VPS33A: variants seen among roughly 807,000 people sequenced by gnomAD.
VPS33A encodes VPS33A core subunit of CORVET and HOPS complexes.
In VPS33A, 32 loss-of-function variants were observed where a neutral mutation model predicts 71.8. The ratio of observed to expected loss-of-function variants is 0.45; its 90% CI spans 0.34 to 0.60. The LOEUF is 0.60. Among genes scored for constraint, VPS33A ranks in the 20% least tolerant of loss-of-function variants. The pLI is 0.02. For missense variants in VPS33A, 625 were observed against 748.5 expected, an observed-to-expected ratio of 0.84 and a Z score of 1.92; for synonymous variants, 311 against 292.7, an observed-to-expected ratio of 1.06 and a Z score of -0.64.
intron 2 of VPS33A, 74 bp from the exon 3 acceptor site, chr12:122,263,773 A>C: frequency 6.8e-7 from 1 of 1,466,810 alleles, no homozygotes; most frequent in Non-Finnish European, 9.2e-7. Context: ...CAGAAATCAT[A>C]AATACCCCCA....
intron 10 of VPS33A, among the ~76,000 whole-genome samples, 188 bp from the exon 11 acceptor site, chr12:122,236,111 T>G (rs2136123372): frequency 6.6e-6 from 1 of 152,312 alleles, no homozygotes; most frequent in East Asian, 1.9e-4. Flanking sequence ...ACTGCTTGCC[T>G]GTTACTATTA....
chr12:122,255,706 T>TAAAAAA (rs1954907775), intron 4 of VPS33A, among the ~76,000 whole-genome samples: 1 of 22,930 alleles, frequency 4.4e-5, no homozygotes, highest in African/African-American at 1.7e-4. Context: ...AGACTCCGTC[T>TAAAAAA]CAAAAAAAAA....
rs1411567013 is a variant in VPS33A, at chr12:122,231,272, A to G, written c.*974T>C. ...CATTCTTCCATGTCAAAAGCCCCTG[A>G]TAAGTATGGAACCTAAGGAGATGTA... On this transcript the variant is annotated 3_prime_UTR_variant, in exon 13 of 13. Coordinates refer to ENST00000267199, the MANE Select transcript of VPS33A (RefSeq NM_022916.6). The G allele has an allele frequency of 6.6e-6, 1 of 152,248 alleles. No homozygotes were observed. The highest frequency in any genetic ancestry group is 2.4e-5 in the African/African-American group (1 of 41,458). 9.4% of individuals were successfully genotyped at this position (152,248 alleles called of 1,614,324 possible). A position where few individuals can be genotyped will look rare whatever the true frequency, so the allele number is the denominator to read the frequency against.
chr12:122,257,183 T>A (rs1954930036), intron 4 of VPS33A, among the ~76,000 whole-genome samples: 2 of 151,950 alleles, frequency 1.3e-5, no homozygotes, highest in Admixed American at 6.6e-5. Context: ...TTCCAGCACT[T>A]TCAGAGGCCG....
At chr12:122,253,838 T>C (rs1440329752) in intron 4 of VPS33A, among the ~76,000 whole-genome samples, 3 of 151,652 alleles carry the variant, frequency 2.0e-5, no homozygotes, top group Non-Finnish European at 4.4e-5. Context: ...GCTGGGATCA[T>C]AGGTGCCCAC....
rs200715881 is a variant in VPS33A, at chr12:122,232,883, C to T, written c.1526G>A (p.Arg509Gln). The T allele has an allele frequency of 3.1e-6, 5 of 1,613,956 alleles. No homozygotes were observed. The highest frequency in any genetic ancestry group is 3.4e-6 in the Non-Finnish European group (4 of 1,179,984). The part of the protein sequence containing the change: ...LAQLLSRPGW[R>Q]SIEEVLRILP... Reference sequence around the variant, plus strand: ...GATGCGGAGGACCTCCTCGATGCTCCGCCAGCCAGGCCGGGAAAGCAGCTG... The same window carrying T: ...GATGCGGAGGACCTCCTCGATGCTCTGCCAGCCAGGCCGGGAAAGCAGCTG... Residue 509 changes from arginine to glutamine, a missense_variant, in exon 12 of 13, where the codon CGG becomes CAG. Transcript: ENST00000267199.
intron 4 of VPS33A, among the ~76,000 whole-genome samples, chr12:122,258,917 G>A (rs912278579): frequency 1.3e-5 from 2 of 149,694 alleles, no homozygotes; most frequent in African/African-American, 4.9e-5. Flanking sequence ...GGAGGCCGAG[G>A]TTGCAGTGTG....
At chr12:122,239,452 G>GT (rs1179020620) in intron 9 of VPS33A, among the ~76,000 whole-genome samples, 1 of 152,026 alleles carries the variant, frequency 6.6e-6, no homozygotes, top group Admixed American at 6.6e-5. Context: ...AAATATTTAA[G>GT]TGGCCGGGCG....
rs1954568498 is a variant in VPS33A, at chr12:122,232,032, G to A, written c.*214C>T. ...AGACCGTGCCACTGCACTCTAGTCT[G>A]GGTGACAGAGCAAGACTCCGTCTCA... On this transcript the variant is annotated 3_prime_UTR_variant, in exon 13 of 13. Coordinates refer to ENST00000267199, the MANE Select transcript of VPS33A (RefSeq NM_022916.6). 13 of 495,706 alleles carry A rather than the reference G, an allele frequency of 2.6e-5. No individual in the cohort carries two copies. In the East Asian group the frequency reaches 4.3e-4, roughly 16 times the overall value. The allele number at this position is 495,706 out of a possible 1,614,324, so 30.7% of individuals were successfully genotyped here. A position where few individuals can be genotyped will look rare whatever the true frequency, so the allele number is the denominator to read the frequency against.
intron 7 of VPS33A, 88 bp downstream of exon 7, chr12:122,244,481 T>C (rs1954751744): frequency 1.7e-6 from 2 of 1,184,816 alleles, no homozygotes; most frequent in Non-Finnish European, 2.3e-6. Flanking sequence ...GTTTAATGGC[T>C]ACATATTTTT....
chr12:122,262,335 A>G (rs1955006169), intron 3 of VPS33A, among the ~76,000 whole-genome samples: 1 of 152,204 alleles, frequency 6.6e-6, no homozygotes, highest in African/African-American at 2.4e-5. Flanking sequence ...GGGGCATTGA[A>G]GCTCTCAGGT....
At chr12:122,262,185 T>C (rs953146897) in intron 3 of VPS33A, among the ~76,000 whole-genome samples, 1 of 152,036 alleles carries the variant, frequency 6.6e-6, no homozygotes, top group African/African-American at 2.4e-5. Context: ...AGTGAGACTG[T>C]GTCTCAAAAA....
chr12:122,260,712 G>A (rs981366470), intron 4 of VPS33A, among the ~76,000 whole-genome samples: 21 of 152,310 alleles, frequency 1.4e-4, no homozygotes, highest in African/African-American at 4.8e-4. Context: ...TAAGCCAGGC[G>A]CGGTGGCTCA....
intron 4 of VPS33A, 25 bp from the exon 5 acceptor site, chr12:122,251,124 G>T: frequency 6.4e-7 from 1 of 1,567,778 alleles, no homozygotes. Context: ...GCCAATTATT[G>T]CCAGGCCATG....
chr12:122,233,462 G>A (rs1354083126), intron 11 of VPS33A, among the ~76,000 whole-genome samples: 2 of 152,146 alleles, frequency 1.3e-5, no homozygotes, highest in African/African-American at 4.8e-5. Flanking sequence ...CTGACCTCAG[G>A]TGATCCACCT....
Position 122,239,749 on chromosome 12 carries a change from C to CAAAAAAAAAAAAAA in VPS33A, c.1164+115_1164+128dup, listed in dbSNP as rs5801475. On this transcript the variant is annotated intron_variant, in intron 9 of 12. Coordinates refer to ENST00000267199, the MANE Select transcript of VPS33A (RefSeq NM_022916.6). The stretch of plus-strand genomic sequence containing the variant: ...GGTGACACACAGTGAGACTCCGTCT[C>CAAAAAAAAAAAAAA]AAAAAAAAAAAAAAAAAAAAAAAAA... The CAAAAAAAAAAAAAA allele has an allele frequency of 1.7e-3, 342 of 197,822 alleles. 63 individuals are homozygous for CAAAAAAAAAAAAAA. Among genetic ancestry groups the CAAAAAAAAAAAAAA allele is most frequent in the East Asian group, 7.6e-3 (21 of 2,778 alleles). The allele number at this position is 197,822 out of a possible 1,614,324, so 12.3% of individuals were successfully genotyped here.
intron 8 of VPS33A, among the ~76,000 whole-genome samples, chr12:122,240,581 A>G (rs559448332): frequency 9.9e-5 from 15 of 152,280 alleles, no homozygotes; most frequent in Non-Finnish European, 2.2e-4. Flanking sequence ...ACCCAATTTC[A>G]ACTGGTTTCC....
rs757721280 is a variant in VPS33A at position 122,242,520 on chromosome 12, A to C, written c.970-12T>G. The C allele has an allele frequency of 6.2e-7, 1 of 1,601,392 alleles. No individual in the cohort carries two copies. The highest frequency in any genetic ancestry group is 8.5e-7 in the Non-Finnish European group (1 of 1,170,112). ...GCATTGTGTCTTTCCTGAAATAAACAAGAGAGCAGTGCCTCAAGCAGGGAA... is the reference window on the plus strand; with the variant it reads ...GCATTGTGTCTTTCCTGAAATAAACCAGAGAGCAGTGCCTCAAGCAGGGAA... On this transcript the variant is annotated splice_polypyrimidine_tract_variant and intron_variant, in intron 7 of 12. Transcript: ENST00000267199.
At chr12:122,246,961 G>A (rs1954785286) in intron 6 of VPS33A, among the ~76,000 whole-genome samples, 1 of 152,116 alleles carries the variant, frequency 6.6e-6, no homozygotes, top group Non-Finnish European at 1.5e-5. Context: ...ATGCTCATTA[G>A]CATACCAAAT....
Sources: gnomAD v4.1 joint callset for allele counts (sites outside exome capture counted in the v4.1 genomes callset) on GRCh38, gnomAD v4.1.1 for gene constraint, MANE v1.5 for transcripts, NCBI Gene and HGNC (gene_info 2026-07-23, HGNC 2026-07-21) for gene names.